Variants in TTLL1 observed in about 807,000 individuals in gnomAD.
TTLL1 encodes the protein polyglutamylase complex subunit TTLL1.
A neutral mutation model predicts 47.8 loss-of-function variants in TTLL1; 33 were observed. That is an observed-to-expected ratio of 0.69 (90% CI 0.52 to 0.92). TTLL1 has a LOEUF of 0.92. TTLL1 is among the 40% of genes least tolerant of loss of function. The pLI, the probability that TTLL1 is intolerant of heterozygous loss-of-function variation, is 0.00. For synonymous variants in TTLL1, 225 were observed against 214.1 expected (o/e 1.05, Z -0.45); for missense variants, 488 against 547.5 (o/e 0.89, Z 1.08).
At chr22:43,055,964 C>T (rs1338318429) in intron 8 of TTLL1, among the ~76,000 whole-genome samples, 1 of 151,848 alleles carries the variant, frequency 6.6e-6, no homozygotes, top group Non-Finnish European at 1.5e-5. Context: ...AGGCAGGTCT[C>T]GAATTCCTGG....
rs6003045 is a variant in TTLL1 at position 43,085,003 on chromosome 22, T to C, written c.-90+4274A>G. ...TTTTTTTTGAGATGGCATCTTGCTC[T>C]GTCGCCCAGGCTGGAGTGCAGTGGC... On this transcript the variant is annotated intron_variant, in intron 1 of 10. Coordinates refer to ENST00000266254, the MANE Select transcript of TTLL1 (RefSeq NM_012263.5). Among the ~76,000 whole-genome samples the C allele has an allele frequency of 2.3e-3, 312 of 138,214 alleles. 3 individuals are homozygous for C. Among genetic ancestry groups the C allele is most frequent in the African/African-American group, 8.3e-3 (303 of 36,356 alleles). The allele number at this position is 138,214 out of a possible 152,430, so 90.7% of individuals were successfully genotyped here.
Position 43,066,659 on chromosome 22 carries a change from T to C in TTLL1, c.503+1751A>G, listed in dbSNP as rs142953432. Among the ~76,000 whole-genome samples the C allele has an allele frequency of 2.3e-3, 344 of 150,922 alleles. 3 individuals are homozygous for C. Among genetic ancestry groups the C allele is most frequent in the African/African-American group, 7.8e-3 (321 of 40,988 alleles). ...ATCGCTTGGGCCTAGGAGGTTGAGGTTGCAGTGAGCCATGATCCCGTCTTA... is the reference window on the plus strand; with the variant it reads ...ATCGCTTGGGCCTAGGAGGTTGAGGCTGCAGTGAGCCATGATCCCGTCTTA... On this transcript the variant is annotated intron_variant, in intron 5 of 10. Transcript: ENST00000266254.
At chr22:43,063,664 T>C (rs376509868) in intron 7 of TTLL1, 149 bp downstream of exon 7, 2 of 589,506 alleles carry the variant, frequency 3.4e-6, no homozygotes, top group East Asian at 3.1e-5. Flanking sequence ...CAGGGTTTCA[T>C]TGTGTTCGTC....
At chr22:43,070,055 G>A (rs1296590462) in intron 3 of TTLL1, 107 of 1,181,062 alleles carry the variant, frequency 9.1e-5, no homozygotes, top group Non-Finnish European at 8.8e-5. Context: ...AGGGCCAGGA[G>A]CTGTGCTGAT....
rs545319560 is a variant in TTLL1 at position 43,077,025 on chromosome 22, C to T, written c.-4-1435G>A. Among the ~76,000 whole-genome samples, 56 of 151,694 alleles carry T rather than the reference C, an allele frequency of 3.7e-4. 2 individuals carry two copies. In the South Asian group the frequency reaches 5.0e-3, roughly 14 times the overall value. On this transcript the variant is annotated intron_variant, in intron 2 of 10. Coordinates refer to ENST00000266254, the MANE Select transcript of TTLL1 (RefSeq NM_012263.5). ...CTGAGGCAGGAGAATGGTGTGAACC[C>T]GGGAGGCGGAGATTGCAGTGAGCGG...
intron 3 of TTLL1, among the ~76,000 whole-genome samples, chr22:43,070,960 C>T (rs761366580): frequency 2.4e-4 from 36 of 151,818 alleles, no homozygotes; most frequent in Admixed American, 6.6e-4. Flanking sequence ...TTGCCCAGGC[C>T]GGGGTGTCAT....
chr22:43,070,262 G>A, intron 3 of TTLL1: 1 of 1,276,886 alleles, frequency 7.8e-7, no homozygotes, highest in Non-Finnish European at 1.0e-6. Flanking sequence ...CAAAATCACA[G>A]GGGTTATTTA....
intron 10 of TTLL1, chr22:43,041,286 G>T: frequency 6.6e-6 from 1 of 152,322 alleles, no homozygotes. Flanking sequence ...ATCCTGACTA[G>T]GACCCTCGGT....
chr22:43,075,058 G>A (rs1261536540), intron 3 of TTLL1, among the ~76,000 whole-genome samples: 1 of 152,114 alleles, frequency 6.6e-6, no homozygotes, highest in Non-Finnish European at 1.5e-5. Context: ...CCAGGTACTT[G>A]GGAGCCTAAG....
intron 2 of TTLL1, among the ~76,000 whole-genome samples, chr22:43,079,537 G>A (rs1163444019): frequency 6.6e-6 from 1 of 152,212 alleles, no homozygotes; most frequent in African/African-American, 2.4e-5. Context: ...TTGCGGCCTG[G>A]GGACCACCCC....
intron 1 of TTLL1, among the ~76,000 whole-genome samples, chr22:43,083,759 A>T (rs1335127117): frequency 6.6e-6 from 1 of 151,830 alleles, no homozygotes; most frequent in Non-Finnish European, 1.5e-5. Context: ...AACAATAAAA[A>T]CCCACTGGCA....
chr22:43,060,620 A>G (rs1927331686), intron 7 of TTLL1, among the ~76,000 whole-genome samples: 1 of 152,190 alleles, frequency 6.6e-6, no homozygotes, highest in Admixed American at 6.5e-5. Flanking sequence ...TACTTGGCCA[A>G]GCTTTCCTCC....
At chr22:43,087,455 T>C (rs1388410704) in intron 1 of TTLL1, among the ~76,000 whole-genome samples, 2 of 143,010 alleles carry the variant, frequency 1.4e-5, no homozygotes, top group Non-Finnish European at 1.5e-5. Flanking sequence ...ACCTGGGAGG[T>C]GGAGGTTGCA....
chr22:43,075,034 T>G (rs886325260), intron 3 of TTLL1, among the ~76,000 whole-genome samples: 4 of 152,048 alleles, frequency 2.6e-5, no homozygotes, highest in Admixed American at 6.6e-5. Context: ...CCAGGTGTGG[T>G]GGCGCCTGTA....
rs1489064250 is a variant in TTLL1 at position 43,068,488 on chromosome 22, T to C, written c.425A>G (p.Lys142Arg). 1 of 1,582,312 alleles carries C rather than the reference T, an allele frequency of 6.3e-7. No homozygotes were observed. The highest frequency in any genetic ancestry group is 2.3e-5 in the East Asian group (1 of 44,212). The change falls in exon 5 of 11, where the codon AAG becomes AGG. Residue 142 changes from lysine to arginine, a missense_variant. Transcript: ENST00000266254. ...SSTWIMKPCG[K>R]AQGKGIFLIN... Reference sequence around the variant, plus strand: ...AAGGAAGATGCCCTTTCCCTGGGCCTTGCCACAAGGCTTCATGATCCAGGT... The same window carrying C: ...AAGGAAGATGCCCTTTCCCTGGGCCCTGCCACAAGGCTTCATGATCCAGGT...
intron 9 of TTLL1, among the ~76,000 whole-genome samples, chr22:43,050,133 T>C (rs1299862959): frequency 6.9e-6 from 1 of 145,752 alleles, no homozygotes; most frequent in African/African-American, 2.6e-5. Flanking sequence ...ATATAAAAAG[T>C]AGGGCTGGGT....
chr22:43,075,414 A>T, intron 3 of TTLL1, 60 bp downstream of exon 3: 1 of 1,412,278 alleles, frequency 7.1e-7, no homozygotes, highest in Non-Finnish European at 1.0e-6. Context: ...AGGCACTGGA[A>T]TTAGTAAAAC....
intron 4 of TTLL1, 138 bp from the exon 5 acceptor site, chr22:43,068,728 C>T (rs1043264609): frequency 1.5e-6 from 1 of 665,102 alleles, no homozygotes; most frequent in Admixed American, 3.3e-5. Context: ...AGAACAAGGG[C>T]CTCTGCTGCA....
intron 3 of TTLL1, among the ~76,000 whole-genome samples, chr22:43,073,833 A>ATT (rs1413866491): frequency 6.0e-5 from 9 of 148,982 alleles, no homozygotes; most frequent in Non-Finnish European, 1.2e-4. Context: ...TTATTTATTT[A>ATT]TTTTTTTTGA....
Sources: gnomAD v4.1 joint callset for allele counts (sites outside exome capture counted in the v4.1 genomes callset) on GRCh38, gnomAD v4.1.1 for gene constraint, MANE v1.5 for transcripts, NCBI Gene and HGNC (gene_info 2026-07-23, HGNC 2026-07-21) for gene names.